CYP2J2: variants seen among roughly 807,000 people sequenced by gnomAD.
CYP2J2 encodes cytochrome P450 2J2.
A neutral mutation model predicts 48.8 loss-of-function variants in CYP2J2; 41 were observed. That is an observed-to-expected ratio of 0.84 (90% confidence interval 0.66 to 1.09). The LOEUF (loss-of-function observed/expected upper bound fraction) is 1.09. CYP2J2 is among the 50% of genes least tolerant of loss of function. The probability of loss-of-function intolerance (pLI) is 0.00; values close to 1 mark genes in which losing one functional copy is unlikely to be tolerated. For synonymous variants in CYP2J2, 221 were observed against 227.1 expected (o/e 0.97, Z 0.24); for missense variants, 644 against 617.3 (o/e 1.04, Z -0.46).
intron 8 of CYP2J2, among the ~76,000 whole-genome samples, chr1:59,899,505 C>A (rs942081894): frequency 6.6e-6 from 1 of 152,146 alleles, no homozygotes; most frequent in Non-Finnish European, 1.5e-5. Context: ...TCATTCTCAG[C>A]AAAATGATCT....
At chr1:59,913,562 T>C (rs1329653144) in intron 2 of CYP2J2, among the ~76,000 whole-genome samples, 1 of 152,180 alleles carries the variant, frequency 6.6e-6, no homozygotes, top group Non-Finnish European at 1.5e-5. Context: ...CATCTACCCA[T>C]TTGAGTGTCA....
At chr1:59,906,935 A>C (rs145128556) in intron 6 of CYP2J2, among the ~76,000 whole-genome samples, 193 of 152,342 alleles carry the variant, frequency 1.3e-3, no homozygotes, top group African/African-American at 4.3e-3. Context: ...TTGATTCACT[A>C]AATTGATTTT....
the CYP2J2 span, among the ~76,000 whole-genome samples, chr1:59,963,953 T>C: frequency 1.3e-5 from 2 of 151,716 alleles, no homozygotes; most frequent in South Asian, 4.1e-4. Flanking sequence ...TAATAGGAAT[T>C]TATAAAGCAA....
At position 59,912,157 on chromosome 1, in the gene CYP2J2, C is replaced by G. The variant is rs778589711; in HGVS notation, c.523+5G>C. On this transcript the variant is annotated splice_donor_5th_base_variant and intron_variant, in intron 3 of 8. Transcript: ENST00000371204. ...TCTCTCACCTCTGTCATATGCAATG[C>G]TCACCGTTCTCCTCTTTTATTGCTT... The G allele has an allele frequency of 6.2e-7, 1 of 1,610,936 alleles. No homozygotes were observed. Among genetic ancestry groups the G allele is most frequent in the South Asian group, 1.1e-5 (1 of 90,346 alleles).
At chr1:59,918,449 G>A (rs949138942) in intron 1 of CYP2J2, among the ~76,000 whole-genome samples, 4 of 151,994 alleles carry the variant, frequency 2.6e-5, no homozygotes, top group Admixed American at 1.3e-4. Flanking sequence ...TGCATATTTC[G>A]AATTAAACAG....
At chr1:59,938,669 C>G in the CYP2J2 span, among the ~76,000 whole-genome samples, 1 of 152,220 alleles carries the variant, frequency 6.6e-6, no homozygotes, top group Admixed American at 6.5e-5. Flanking sequence ...GAGAAAGAGA[C>G]CTTCCTCTAT....
chr1:59,935,019 T>TATATATATATATATATATATAC, the CYP2J2 span, among the ~76,000 whole-genome samples: 1 of 41,928 alleles, frequency 2.4e-5, no homozygotes, highest in Non-Finnish European at 4.8e-5. Flanking sequence ...TATATACATA[T>TATATATATATATATATATATAC]ATATATATAT....
the CYP2J2 span, among the ~76,000 whole-genome samples, chr1:59,955,170 T>TA: frequency 3.2e-4 from 47 of 147,410 alleles, no homozygotes; most frequent in African/African-American, 8.7e-4. Flanking sequence ...AATAAATAAA[T>TA]AATTAAAAAA....
intron 1 of CYP2J2, among the ~76,000 whole-genome samples, chr1:59,926,075 T>A (rs969873037): frequency 7.2e-5 from 11 of 152,070 alleles, no homozygotes; most frequent in African/African-American, 2.7e-4. Flanking sequence ...AATTATTACT[T>A]AGTGAGAGTG....
At chr1:59,934,077 A>C in the CYP2J2 span, among the ~76,000 whole-genome samples, 1 of 152,192 alleles carries the variant, frequency 6.6e-6, no homozygotes, top group Non-Finnish European at 1.5e-5. Flanking sequence ...CCCAGAAACA[A>C]ATCCATGCAT....
At chr1:59,898,752 T>G (rs1215529453) in intron 8 of CYP2J2, among the ~76,000 whole-genome samples, 1 of 152,184 alleles carries the variant, frequency 6.6e-6, no homozygotes, top group Non-Finnish European at 1.5e-5. Context: ...CTCTCTCTTA[T>G]TTTTAGTTAT....
chr1:59,904,606 A>G (rs1298988315), intron 7 of CYP2J2: 8 of 396,274 alleles, frequency 2.0e-5, no homozygotes, highest in Non-Finnish European at 3.2e-5. Flanking sequence ...GCACATTAGC[A>G]TAGTAAAAAC....
chr1:59,956,378 G>T, the CYP2J2 span, among the ~76,000 whole-genome samples: 4 of 152,100 alleles, frequency 2.6e-5, no homozygotes, highest in African/African-American at 9.7e-5. Flanking sequence ...GTGTGCTCCT[G>T]AGTGCAATAA....
chr1:59,913,164 A>C (rs11572255), intron 2 of CYP2J2: 18,727 of 152,098 alleles, frequency 0.12, 1,294 homozygotes, highest in Admixed American at 0.18. Context: ...TCAGGATACC[A>C]CTGTCTCCAG....
chr1:59,923,922 C>T (rs1203852686), intron 1 of CYP2J2, among the ~76,000 whole-genome samples: 1 of 152,110 alleles, frequency 6.6e-6, no homozygotes, highest in African/African-American at 2.4e-5. Context: ...CTCCCTCAAA[C>T]TGGCAAAAGA....
At position 59,907,827 on chromosome 1, in the gene CYP2J2, C is replaced by T. The variant is rs761034141; in HGVS notation, c.962G>A (p.Arg321Gln). 34 of 1,613,902 alleles carry T rather than the reference C, an allele frequency of 2.1e-5. No individual in the cohort carries two copies. The highest frequency in any genetic ancestry group is 3.3e-5 in the South Asian group (3 of 91,060). The part of the protein sequence containing the change: ...AGTETTSTTL[R>Q]WALLYMALYP... ...GAGGGCCATATAAAGCAGAGCCCATCGCAGAGTTGTGGAAGTTGTCTCGGT... is the reference window on the plus strand; with the variant it reads ...GAGGGCCATATAAAGCAGAGCCCATTGCAGAGTTGTGGAAGTTGTCTCGGT... Residue 321 changes from arginine (R) to glutamine (Q), a missense_variant, in exon 6 of 9, where the codon CGA becomes CAA. Physicochemically the swap from Arg to Gln is conservative, Grantham distance 43. Transcript: ENST00000371204.
chr1:59,911,390 T>C (rs1037845539), intron 4 of CYP2J2, among the ~76,000 whole-genome samples: 3 of 152,218 alleles, frequency 2.0e-5, no homozygotes, highest in Non-Finnish European at 2.9e-5. Flanking sequence ...TGTTGTACTT[T>C]ACATGCATGT....
chr1:59,935,029 T>TATACAC, the CYP2J2 span, among the ~76,000 whole-genome samples: 190 of 100,898 alleles, frequency 1.9e-3, 1 homozygote, highest in African/African-American at 7.3e-3. Context: ...TATATATATA[T>TATACAC]ATATATATAT....
chr1:59,909,754 C>T, intron 5 of CYP2J2, 30 bp downstream of exon 5: 1 of 1,536,680 alleles, frequency 6.5e-7, no homozygotes, highest in Non-Finnish European at 8.8e-7. Flanking sequence ...GCTCTAAGAA[C>T]AAAATACAAA....
Sources: gnomAD v4.1 joint callset for allele counts (sites outside exome capture counted in the v4.1 genomes callset) on GRCh38, gnomAD v4.1.1 for gene constraint, MANE v1.5 for transcripts, NCBI Gene and HGNC (gene_info 2026-07-23, HGNC 2026-07-21) for gene names.